The following OSER1 variants were observed in gnomAD, a reference collection of about 807,000 sequenced individuals.
The protein encoded by OSER1 is oxidative stress-responsive serine-rich protein 1.
OSER1 carries 15 observed loss-of-function variants against 26.3 expected under a neutral mutation model. The observed-to-expected ratio is 0.57, with a 90% CI of 0.38 to 0.88. The LOEUF is 0.88. OSER1 is among the 40% of genes least tolerant of loss of function. OSER1 has a pLI of 0.00. For missense variants in OSER1, 313 were observed against 353.9 expected, an observed-to-expected ratio of 0.88 and a Z score of 0.93; for synonymous variants, 127 against 128.2, an observed-to-expected ratio of 0.99 and a Z score of 0.07.
rs541272463 is a variant in OSER1 at position 44,200,101 on chromosome 20, T to C, written c.192-2362A>G. On this transcript the variant is annotated intron_variant, in intron 3 of 3. Coordinates refer to ENST00000255174, the MANE Select transcript of OSER1 (RefSeq NM_016470.8). ...TCTCCCTGCCCGCCTTCCTGGCCAG[T>C]AGACAAGCTGCACCACTGTCCAGCG... Among the ~76,000 whole-genome samples, 48 of 152,302 alleles carry C rather than the reference T, an allele frequency of 3.2e-4. No homozygotes were observed. In the South Asian group the frequency reaches 9.7e-3, roughly 31 times the overall value.
chr20:44,208,115 C>A (rs965663618), intron 1 of OSER1, among the ~76,000 whole-genome samples: 4 of 135,510 alleles, frequency 3.0e-5, no homozygotes, highest in Admixed American at 7.3e-5. Context: ...CCCGCCCCCC[C>A]CCGCCCCCAC....
Position 44,196,702 on chromosome 20 carries a change from C to A in OSER1, c.*350G>T. 5.0e-6 allele frequency: 1 copy of A among 198,152 alleles called. No homozygotes were observed. Among genetic ancestry groups the A allele is most frequent in the East Asian group, 1.2e-4 (1 of 8,320 alleles). The allele number at this position is 198,152 out of a possible 1,614,324, so 12.3% of individuals were successfully genotyped here. A position where few individuals can be genotyped will look rare whatever the true frequency, so the allele number is the denominator to read the frequency against. On this transcript the variant is annotated 3_prime_UTR_variant, in exon 4 of 4. Transcript: ENST00000255174. The stretch of plus-strand genomic sequence containing the variant: ...AGTTACAAAATCACATTTTACTTTC[C>A]TTGGCTAGCAAACCTTAAACAAATC...
intron 3 of OSER1, among the ~76,000 whole-genome samples, chr20:44,198,366 TC>T (rs1170010993): frequency 1.3e-5 from 2 of 152,104 alleles, no homozygotes; most frequent in African/African-American, 4.8e-5. Flanking sequence ...ACGCCTGTAA[TC>T]CCAGCACTTT....
intron 2 of OSER1, among the ~76,000 whole-genome samples, chr20:44,203,595 C>T (rs1310197311): frequency 1.3e-5 from 2 of 151,556 alleles, no homozygotes; most frequent in African/African-American, 2.4e-5. Context: ...CAGTAAAGAA[C>T]GTGAAAAAAT....
intron 1 of OSER1, among the ~76,000 whole-genome samples, 161 bp downstream of exon 1, chr20:44,210,535 T>C (rs41307187): frequency 0.17 from 25,824 of 151,842 alleles, 2,913 homozygotes; most frequent in Non-Finnish European, 0.25. Context: ...CCGCGGCAGA[T>C]AAGGGGGCGC....
chr20:44,208,482 T>C (rs1237955116), intron 1 of OSER1, among the ~76,000 whole-genome samples: 2 of 149,982 alleles, frequency 1.3e-5, no homozygotes, highest in Admixed American at 6.6e-5. Flanking sequence ...AAAAAAATAA[T>C]TTAGATACAT....
At chr20:44,205,392 G>A (rs2073027737) in intron 2 of OSER1, among the ~76,000 whole-genome samples, 1 of 152,100 alleles carries the variant, frequency 6.6e-6, no homozygotes, top group South Asian at 2.1e-4. Flanking sequence ...GATATGAACT[G>A]GCAAGTTGAC....
intron 3 of OSER1, among the ~76,000 whole-genome samples, chr20:44,202,025 C>G (rs1440674354): frequency 6.6e-6 from 1 of 152,088 alleles, no homozygotes; most frequent in Non-Finnish European, 1.5e-5. Context: ...AAAAATAAAA[C>G]CTAGTCATAT....
intron 1 of OSER1, among the ~76,000 whole-genome samples, chr20:44,208,108 G>GCC (rs71959463): frequency 6.1e-5 from 6 of 97,932 alleles, no homozygotes; most frequent in East Asian, 5.6e-4. Context: ...GCCTTTACCC[G>GCC]CCCCCCCCCG....
chr20:44,197,456 A>G lies in OSER1; in HGVS notation c.475T>C (p.Ser159Pro). ...PLRTSVPRLP[S>P]ESKKEDSSDA... ...GAGGAGTCTTCCTTCTTACTCTCTG[A>G]TGGGAGCCTTGGAACAGAAGTTCTC... The change falls in exon 4 of 4, where the codon TCA becomes CCA. Residue 159 changes from serine to proline, a missense_variant. Physicochemically the swap from Ser to Pro is moderately conservative, Grantham distance 74 (BLOSUM62 -1). This residue lies in a region of OSER1 where 300 missense variants were observed against 318.3 expected (regional missense o/e 0.94). Transcript: ENST00000255174. 6.2e-7 allele frequency: 1 copy of G among 1,614,022 alleles called. No individual in the cohort carries two copies. The highest frequency in any genetic ancestry group is 8.5e-7 in the Non-Finnish European group (1 of 1,179,992).
At chr20:44,198,694 C>T (rs984419851) in intron 3 of OSER1, among the ~76,000 whole-genome samples, 21 of 151,990 alleles carry the variant, frequency 1.4e-4, no homozygotes, top group Non-Finnish European at 2.6e-4. Flanking sequence ...ATACTCAAAA[C>T]TGCTAAGTGA....
chr20:44,202,146 TG>T (rs2072988847), intron 3 of OSER1, among the ~76,000 whole-genome samples: 1 of 152,114 alleles, frequency 6.6e-6, no homozygotes. Flanking sequence ...GAAGCCGAGG[TG>T]GGTGGATCAC....
Position 44,197,252 on chromosome 20 carries a change from C to T in OSER1, c.679G>A (p.Ala227Thr). 6.2e-7 allele frequency: 1 copy of T among 1,613,402 alleles called. No individual in the cohort carries two copies. The stretch of plus-strand genomic sequence containing the variant: ...TCAAGTGTGGATCTTCGTTCTGGAG[C>T]CAAGGGAGGGACACTCTGCAGGCCT... ...FSGLQSVPPL[A>T]PERRSTLEDY... Residue 227 changes from alanine to threonine, a missense_variant, in exon 4 of 4, where the codon GCT becomes ACT. Around this residue, in one of 2 missense-constraint regions of OSER1, gnomAD observed 300 missense variants for 318.3 expected, o/e 0.94. Transcript: ENST00000255174.
At position 44,197,451 on chromosome 20, in the gene OSER1, C is replaced by T. The variant is rs1449367016; in HGVS notation, c.480G>A (p.Glu160=). 6 of 1,614,196 alleles carry T rather than the reference C, an allele frequency of 3.7e-6. No homozygotes were observed. Among genetic ancestry groups the T allele is most frequent in the Non-Finnish European group, 5.1e-6 (6 of 1,180,036 alleles). ...LRTSVPRLPS[E]SKKEDSSDAT... is the part of the protein sequence containing the mutation. ...CGTCAGAGGAGTCTTCCTTCTTACT[C>T]TCTGATGGGAGCCTTGGAACAGAAG... Residue 160 remains glutamate, a synonymous_variant, in exon 4 of 4, where the codon GAG becomes GAA. Coordinates refer to ENST00000255174, the MANE Select transcript of OSER1 (RefSeq NM_016470.8).
chr20:44,197,169 A>C lies in OSER1; in HGVS notation c.762T>G (p.Ser254=), dbSNP rs763732293. The change falls in exon 4 of 4, where the codon TCT becomes TCG. Residue 254 remains serine (S), a synonymous_variant. Coordinates refer to ENST00000255174, the MANE Select transcript of OSER1 (RefSeq NM_016470.8). ...RTLSGSPRSC[S]EQARVFVDDV... is the part of the protein sequence containing the mutation. Reference sequence around the variant, plus strand: ...CATCCACGAAGACTCGAGCTTGCTCAGAACAGGATCGGGGAGAGCCAGACA... The same window carrying C: ...CATCCACGAAGACTCGAGCTTGCTCCGAACAGGATCGGGGAGAGCCAGACA... 3.1e-6 allele frequency: 5 copies of C among 1,614,064 alleles called. No homozygotes were observed. The East Asian group carries it at 1.1e-4, about 36-fold the overall frequency.
At chr20:44,208,212 G>A (rs575231789) in intron 1 of OSER1, among the ~76,000 whole-genome samples, 13 of 149,342 alleles carry the variant, frequency 8.7e-5, no homozygotes, top group Admixed American at 7.5e-4. Context: ...TCTCAAGGTG[G>A]CTCCGAAGTT....
chr20:44,201,212 G>A (rs529635236), intron 3 of OSER1, among the ~76,000 whole-genome samples: 5 of 152,316 alleles, frequency 3.3e-5, no homozygotes, highest in African/African-American at 1.2e-4. Flanking sequence ...AAGTACTCTA[G>A]AGATGGTTTA....
chr20:44,203,109 A>G, intron 2 of OSER1, 35 bp from the exon 3 acceptor site: 1 of 1,113,742 alleles, frequency 9.0e-7, no homozygotes, highest in Non-Finnish European at 1.4e-6. Flanking sequence ...GCTACAAAAA[A>G]CTGTAAAATG....
intron 3 of OSER1, among the ~76,000 whole-genome samples, chr20:44,200,796 C>T (rs1457540340): frequency 6.6e-6 from 1 of 152,172 alleles, no homozygotes; most frequent in Non-Finnish European, 1.5e-5. Flanking sequence ...GCAAAGACAA[C>T]AGGAAGATCT....
Sources: gnomAD v4.1 joint callset for allele counts (sites outside exome capture counted in the v4.1 genomes callset) on GRCh38, gnomAD v4.1.1 for gene constraint, gnomAD v4.1.1 regional missense constraint, MANE v1.5 for transcripts, NCBI Gene and HGNC (gene_info 2026-07-23, HGNC 2026-07-21) for gene names.